Variants in DEPDC1B observed in about 807,000 individuals in gnomAD.
DEPDC1B encodes DEP domain-containing protein 1B.
A neutral mutation model predicts 66.5 loss-of-function variants in DEPDC1B; 51 were observed. The ratio of observed to expected loss-of-function variants is 0.77; its 90% CI spans 0.61 to 0.97. The LOEUF (loss-of-function observed/expected upper bound fraction) is 0.97, where lower values mean the gene tolerates loss of function less well. Ranked by LOEUF, DEPDC1B falls within the 50% of genes least tolerant of loss-of-function variation. The pLI, the probability that DEPDC1B is intolerant of heterozygous loss-of-function variation, is 0.00. For missense variants in DEPDC1B, 552 were observed against 637.1 expected (o/e 0.87, Z 1.44); for synonymous variants, 226 against 223.6 (o/e 1.01, Z -0.10).
At chr5:60,637,907 T>A (rs574294598) in intron 7 of DEPDC1B, among the ~76,000 whole-genome samples, 20 of 152,152 alleles carry the variant, frequency 1.3e-4, no homozygotes, top group Middle Eastern at 6.8e-3. Flanking sequence ...AATGGCAGCA[T>A]CCATAGTTTC....
intron 2 of DEPDC1B, among the ~76,000 whole-genome samples, chr5:60,680,583 A>G (rs1179375874): frequency 5.3e-5 from 8 of 152,196 alleles, no homozygotes; most frequent in Admixed American, 5.2e-4. Flanking sequence ...AAAATATACA[A>G]AAAGAACCCT....
chr5:60,696,218 A>C (rs2112053492), intron 1 of DEPDC1B, among the ~76,000 whole-genome samples: 1 of 152,342 alleles, frequency 6.6e-6, no homozygotes, highest in Non-Finnish European at 1.5e-5. Flanking sequence ...GGAAAAAAAA[A>C]TCCATTAGGA....
At chr5:60,692,560 A>G (rs1348514680) in intron 1 of DEPDC1B, among the ~76,000 whole-genome samples, 2 of 152,018 alleles carry the variant, frequency 1.3e-5, no homozygotes, top group African/African-American at 2.4e-5. Context: ...TAGAAATCTC[A>G]TACACTGCTG....
intron 7 of DEPDC1B, among the ~76,000 whole-genome samples, chr5:60,621,688 A>G (rs1463987838): frequency 2.0e-5 from 3 of 152,174 alleles, no homozygotes; most frequent in African/African-American, 7.2e-5. Flanking sequence ...TATACCCTAG[A>G]ACTTAAAGTA....
Position 60,667,912 on chromosome 5 carries a change from T to TGGATATTTTATATATA in DEPDC1B, c.314+19049_314+19050insTATATATAAAATATCC, listed in dbSNP as rs879866894. 8.3e-4 allele frequency among the ~76,000 whole-genome samples: 75 copies of TGGATATTTTATATATA among 90,688 alleles called. 20 individuals are homozygous for TGGATATTTTATATATA. The highest frequency in any genetic ancestry group is 2.7e-3 in the African/African-American group (74 of 27,396). The allele number at this position is 90,688 out of a possible 152,430, so 59.5% of individuals were successfully genotyped here. A position where few individuals can be genotyped will look rare whatever the true frequency, so the allele number is the denominator to read the frequency against. ...GTAAAAAATGGATATTTTATATATA[T>TGGATATTTTATATATA]AAAAAATGGATATTTTATATATATA... On this transcript the variant is annotated intron_variant, in intron 2 of 10. Coordinates refer to ENST00000265036, the MANE Select transcript of DEPDC1B (RefSeq NM_018369.3).
chr5:60,698,669 A>T (rs867147916), intron 1 of DEPDC1B, among the ~76,000 whole-genome samples: 40 of 143,920 alleles, frequency 2.8e-4, no homozygotes, highest in South Asian at 4.4e-4. Context: ...TCTCCTTATT[A>T]TTTTTTTTTT....
At chr5:60,656,159 A>AT (rs59421459) in intron 2 of DEPDC1B, among the ~76,000 whole-genome samples, 480 of 125,896 alleles carry the variant, frequency 3.8e-3, no homozygotes, top group East Asian at 5.7e-3. Flanking sequence ...GTTTAAGTCC[A>AT]TTTTTTTTTT....
chr5:60,656,386 G>T (rs1463442270), intron 2 of DEPDC1B, among the ~76,000 whole-genome samples: 1 of 152,018 alleles, frequency 6.6e-6, no homozygotes, highest in Non-Finnish European at 1.5e-5. Flanking sequence ...CTGACCTCGT[G>T]ATCTACCCGC....
At position 60,698,268 on chromosome 5, in the gene DEPDC1B, C is replaced by T. The variant is rs544751091; in HGVS notation, c.48+1778G>A. On this transcript the variant is annotated intron_variant, in intron 1 of 10. Coordinates refer to ENST00000265036, the MANE Select transcript of DEPDC1B (RefSeq NM_018369.3). ...TGATTCTTCCCATCCTCTCCACATGCACCTCTGTGGCTTTGCCACCCTGCC... is the reference window on the plus strand; with the variant it reads ...TGATTCTTCCCATCCTCTCCACATGTACCTCTGTGGCTTTGCCACCCTGCC... Among the ~76,000 whole-genome samples the T allele has an allele frequency of 1.1e-4, 17 of 152,356 alleles. No individual in the cohort carries two copies. The South Asian group carries it at 3.3e-3, about 30-fold the overall frequency.
chr5:60,679,430 A>G (rs373064202), intron 2 of DEPDC1B, among the ~76,000 whole-genome samples: 6 of 152,200 alleles, frequency 3.9e-5, no homozygotes, highest in Non-Finnish European at 8.8e-5. Context: ...TAAAATCAGT[A>G]TTTTGAAAAT....
At position 60,645,561 on chromosome 5, in the gene DEPDC1B, C is replaced by T. The variant is rs575738459; in HGVS notation, c.509G>A (p.Arg170His). Residue 170 changes from arginine to histidine, a missense_variant, in exon 4 of 11, where the codon CGT (arginine) becomes CAT (histidine). Physicochemically the swap from Arg to His is conservative, Grantham distance 29. Coordinates refer to ENST00000265036, the MANE Select transcript of DEPDC1B (RefSeq NM_018369.3). ...TGTCAGCTGTCTGCGGTGGACAAGA[C>T]GGCAAGCTGGCACCTCTCCAATTGC... is the stretch of plus-strand genomic sequence containing the variant. The part of the protein sequence containing the change: ...SIAIGEVPAC[R>H]LVHRRQLTEA... 2.0e-5 allele frequency: 32 copies of T among 1,613,004 alleles called. No individual in the cohort carries two copies. The highest frequency in any genetic ancestry group is 6.7e-5 in the Admixed American group (4 of 59,880).
Position 60,645,628 on chromosome 5 carries a change from G to A in DEPDC1B, c.451-9C>T. On this transcript the variant is annotated splice_polypyrimidine_tract_variant and intron_variant, in intron 3 of 10. Transcript: ENST00000265036. The stretch of plus-strand genomic sequence containing the variant: ...TACCACATCTCAGAATTCTAATGGA[G>A]GGGGGATGTAAGAAGGGAGGGAAGG... 6.2e-7 allele frequency: 1 copy of A among 1,601,070 alleles called. No individual in the cohort carries two copies. Among genetic ancestry groups the A allele is most frequent in the Non-Finnish European group, 8.5e-7 (1 of 1,174,068 alleles).
At chr5:60,675,674 G>A (rs936032192) in intron 2 of DEPDC1B, among the ~76,000 whole-genome samples, 7 of 152,162 alleles carry the variant, frequency 4.6e-5, no homozygotes, top group African/African-American at 1.7e-4. Flanking sequence ...CAGTTACAGG[G>A]TCTAGCCTGA....
chr5:60,626,701 T>C lies in DEPDC1B; in HGVS notation c.898+12049A>G, dbSNP rs150762576. On this transcript the variant is annotated intron_variant, in intron 7 of 10. Transcript: ENST00000265036. ...ATACAATGCACTCTGATATTTTGCA[T>C]ACTATTCTTTCTTTTTTTAATGTTA... 7.7e-4 allele frequency among the ~76,000 whole-genome samples: 117 copies of C among 152,270 alleles called. No individual in the cohort carries two copies. The East Asian group carries it at 0.021, about 27-fold the overall frequency.
chr5:60,686,925 C>A, intron 2 of DEPDC1B, 37 bp downstream of exon 2: 1 of 1,607,978 alleles, frequency 6.2e-7, no homozygotes, highest in Non-Finnish European at 8.5e-7. Context: ...CTCATCTCCC[C>A]AATTCCTCAC....
chr5:60,659,259 A>G (rs549828089), intron 2 of DEPDC1B, among the ~76,000 whole-genome samples: 1 of 152,152 alleles, frequency 6.6e-6, no homozygotes, highest in African/African-American at 2.4e-5. Flanking sequence ...CTCTAAGAAC[A>G]AAGACCCCCT....
At chr5:60,632,236 G>A (rs902879650) in intron 7 of DEPDC1B, among the ~76,000 whole-genome samples, 1 of 152,338 alleles carries the variant, frequency 6.6e-6, no homozygotes, top group East Asian at 1.9e-4. Context: ...CAGGGCCACG[G>A]CGATGGCAAT....
At chr5:60,615,521 TC>T (rs1420620941) in intron 7 of DEPDC1B, among the ~76,000 whole-genome samples, 1 of 152,038 alleles carries the variant, frequency 6.6e-6, no homozygotes, top group Non-Finnish European at 1.5e-5. Flanking sequence ...GCTCGGAGGG[TC>T]CTACGCCCAC....
chr5:60,607,026 A>G (rs1752325043), intron 7 of DEPDC1B, among the ~76,000 whole-genome samples: 1 of 152,230 alleles, frequency 6.6e-6, no homozygotes, highest in Admixed American at 6.5e-5. Flanking sequence ...ATACAAAGAT[A>G]TACCAGGCCT....
Sources: allele counts gnomAD v4.1 joint callset (sites outside exome capture counted in the v4.1 genomes callset), GRCh38; gene constraint gnomAD v4.1.1; transcripts MANE v1.5; gene names NCBI Gene and HGNC (gene_info 2026-07-23, HGNC 2026-07-21).